Variants in ARB2A observed in about 807,000 individuals in gnomAD.
ARB2A encodes cotranscriptional regulator ARB2A.
the ARB2A span, among the ~76,000 whole-genome samples, chr5:93,761,231 C>T: frequency 3.3e-5 from 5 of 152,090 alleles, no homozygotes; most frequent in African/African-American, 7.2e-5. Context: ...GTGCAGCACA[C>T]CGAGCGTGAG....
the ARB2A span, among the ~76,000 whole-genome samples, chr5:93,721,567 C>A: frequency 6.6e-6 from 1 of 152,104 alleles, no homozygotes; most frequent in Admixed American, 6.6e-5. Flanking sequence ...AATAAGGATA[C>A]ACATGAATAA....
the ARB2A span, among the ~76,000 whole-genome samples, chr5:93,957,400 G>A: frequency 2.2e-4 from 34 of 151,954 alleles, no homozygotes; most frequent in African/African-American, 6.8e-4. Context: ...ATGTTCTTCC[G>A]AAAATACATA....
the ARB2A span, among the ~76,000 whole-genome samples, chr5:93,642,808 C>T: frequency 6.6e-6 from 1 of 152,204 alleles, no homozygotes; most frequent in African/African-American, 2.4e-5. Flanking sequence ...GCATGAGCCA[C>T]TGTGTCCAGC....
chr5:94,048,431 A>G, the ARB2A span, among the ~76,000 whole-genome samples: 1 of 152,192 alleles, frequency 6.6e-6, no homozygotes, highest in Non-Finnish European at 1.5e-5. Flanking sequence ...GTAGAACACT[A>G]ACAAGAACTG....
At chr5:93,873,230 T>A in the ARB2A span, among the ~76,000 whole-genome samples, 1 of 149,052 alleles carries the variant, frequency 6.7e-6, no homozygotes, top group South Asian at 2.1e-4. Flanking sequence ...AGTTCTACAC[T>A]ACAGTGAGTT....
At chr5:93,641,188 AG>A in the ARB2A span, among the ~76,000 whole-genome samples, 1 of 150,238 alleles carries the variant, frequency 6.7e-6, no homozygotes, top group Admixed American at 6.6e-5. Flanking sequence ...TGACAGAGGG[AG>A]ATTCTGACTC....
chr5:94,084,561 T>C, the ARB2A span, among the ~76,000 whole-genome samples: 2 of 152,104 alleles, frequency 1.3e-5, no homozygotes, highest in African/African-American at 4.8e-5. Flanking sequence ...AAAAGTTACA[T>C]GGAAAGAGAA....
At chr5:94,016,225 C>G in the ARB2A span, among the ~76,000 whole-genome samples, 15 of 152,218 alleles carry the variant, frequency 9.9e-5, no homozygotes, top group Non-Finnish European at 5.9e-5. Context: ...GTCAATTCAG[C>G]AAAAGGAGAT....
the ARB2A span, among the ~76,000 whole-genome samples, chr5:93,901,017 T>C: frequency 1.3e-5 from 2 of 152,124 alleles, no homozygotes; most frequent in South Asian, 2.1e-4. Flanking sequence ...GTTTAACTTC[T>C]CTCCTCACCT....
chr5:93,671,694 T>C, the ARB2A span, among the ~76,000 whole-genome samples: 1 of 152,124 alleles, frequency 6.6e-6, no homozygotes, highest in Non-Finnish European at 1.5e-5. Flanking sequence ...AATGAGCTCT[T>C]ACACTAAAAA....
At chr5:93,674,212 G>A in the ARB2A span, among the ~76,000 whole-genome samples, 2 of 152,166 alleles carry the variant, frequency 1.3e-5, no homozygotes, top group African/African-American at 2.4e-5. Flanking sequence ...AGCCCCATAT[G>A]GCAAGGTCAG....
chr5:94,083,818 T>A, the ARB2A span, among the ~76,000 whole-genome samples: 2 of 147,598 alleles, frequency 1.4e-5, no homozygotes, highest in African/African-American at 2.5e-5. Flanking sequence ...AAAAACAAGG[T>A]CCTCTAAAAA....
At chr5:93,786,135 T>C in the ARB2A span, among the ~76,000 whole-genome samples, 1 of 152,228 alleles carries the variant, frequency 6.6e-6, no homozygotes, top group African/African-American at 2.4e-5. Flanking sequence ...TTTTAAAATA[T>C]TTGACTCGGA....
At chr5:94,079,408 A>T in the ARB2A span, among the ~76,000 whole-genome samples, 1 of 152,276 alleles carries the variant, frequency 6.6e-6, no homozygotes, top group African/African-American at 2.4e-5. Context: ...TAGGCATTTT[A>T]TGGAGATAAG....
At chr5:94,082,275 C>T in the ARB2A span, among the ~76,000 whole-genome samples, 1 of 152,060 alleles carries the variant, frequency 6.6e-6, no homozygotes, top group Non-Finnish European at 1.5e-5. Flanking sequence ...AAGCACATAC[C>T]ACCTAAAAGC....
the ARB2A span, among the ~76,000 whole-genome samples, chr5:94,084,832 T>G: frequency 2.6e-5 from 4 of 152,142 alleles, no homozygotes; most frequent in Non-Finnish European, 2.9e-5. Flanking sequence ...GAAAAAGAAA[T>G]AAATTAGATA....
At chr5:93,961,354 A>C in the ARB2A span, among the ~76,000 whole-genome samples, 2 of 152,310 alleles carry the variant, frequency 1.3e-5, no homozygotes, top group African/African-American at 4.8e-5. Context: ...TTTTTAAGCA[A>C]TGGAATACTG....
chr5:93,659,974 G>C, the ARB2A span, among the ~76,000 whole-genome samples: 3 of 151,752 alleles, frequency 2.0e-5, no homozygotes, highest in Admixed American at 1.3e-4. Flanking sequence ...TAATATGTAT[G>C]GACAGAAGGA....
At chr5:93,909,452 G>T in the ARB2A span, among the ~76,000 whole-genome samples, 7 of 150,724 alleles carry the variant, frequency 4.6e-5, no homozygotes, top group Non-Finnish European at 7.4e-5. Context: ...AAATGTTATT[G>T]ATCTCTACAA....
Sources: gnomAD v4.1 joint callset for allele counts (sites outside exome capture counted in the v4.1 genomes callset) on GRCh38, gnomAD v4.1.1 for gene constraint, MANE v1.5 for transcripts, NCBI Gene and HGNC (gene_info 2026-07-23, HGNC 2026-07-21) for gene names.